CD163L1: variants seen among roughly 807,000 people sequenced by gnomAD.
CD163L1 encodes the protein CD163 molecule like 1.
Under a neutral mutation model 165.4 loss-of-function variants are expected in CD163L1, and 124 were observed. The ratio of observed to expected loss-of-function variants is 0.75; its 90% CI spans 0.65 to 0.87. The LOEUF (loss-of-function observed/expected upper bound fraction) is 0.87, where lower values mean the gene tolerates loss of function less well. Ranked by LOEUF, CD163L1 falls within the 40% of genes least tolerant of loss-of-function variation. The pLI is 0.00. For synonymous variants in CD163L1, 585 were observed against 662.2 expected (o/e 0.88, Z 1.79); for missense variants, 1,525 against 1,799.9 (o/e 0.85, Z 2.76).
At chr12:7,321,038 C>A in the CD163L1 span, among the ~76,000 whole-genome samples, 13 of 152,248 alleles carry the variant, frequency 8.5e-5, no homozygotes, top group Non-Finnish European at 1.3e-4. Context: ...TTGTGAAAAT[C>A]AAAAATGTCC....
intron 4 of CD163L1, among the ~76,000 whole-genome samples, chr12:7,421,630 CATATATGTACACATATACATATATGTACA>C (rs1565810890): frequency 9.9e-6 from 1 of 100,640 alleles, no homozygotes; most frequent in Non-Finnish European, 1.8e-5. Flanking sequence ...TACATATATA[CATATATGTACACATATACATATATGTACA>C]TATATACATA....
At chr12:7,318,911 C>T in the CD163L1 span, among the ~76,000 whole-genome samples, 1 of 152,176 alleles carries the variant, frequency 6.6e-6, no homozygotes, top group Non-Finnish European at 1.5e-5. Flanking sequence ...CAGTCTGCAA[C>T]CTTTTTGGTA....
chr12:7,431,427 CA>C (rs11423206), intron 4 of CD163L1, among the ~76,000 whole-genome samples: 6 of 147,494 alleles, frequency 4.1e-5, no homozygotes, highest in Admixed American at 6.7e-5. Flanking sequence ...AGACTCCATC[CA>C]AAAAAAAAAG....
Position 7,432,559 on chromosome 12 carries a change from A to C in CD163L1, c.623T>G (p.Val208Gly). Reference protein sequence around the residue: ...CPSSFISSGVVNSPAVLRPIW... With the variant: ...CPSSFISSGVGNSPAVLRPIW... ...GGGGCGCAATACAGCAGGGCTATTA[A>C]CAACTCCAGAAGAAATAAAAGAAGA... Residue 208 changes from valine to glycine, a missense_variant, in exon 4 of 20, where the codon GTT becomes GGT. Transcript: ENST00000313599. This position sits in a 1 kb window ranked among gnomAD's most constrained non-coding sequence, Gnocchi z 4.2. The C allele has an allele frequency of 6.2e-7, 1 of 1,614,178 alleles. No individual in the cohort carries two copies. The highest frequency in any genetic ancestry group is 8.5e-7 in the Non-Finnish European group (1 of 1,180,046).
chr12:7,439,361 T>G, intron 2 of CD163L1: 1 of 1,601,130 alleles, frequency 6.2e-7, no homozygotes, highest in Non-Finnish European at 8.5e-7. Context: ...TGGACTCCTT[T>G]AGTTCTTCTT....
At chr12:7,439,738 G>C (rs778364906) in intron 2 of CD163L1, 189 of 1,611,062 alleles carry the variant, frequency 1.2e-4, no homozygotes, top group Non-Finnish European at 1.5e-4. Flanking sequence ...GTCATCCGAT[G>C]TATAGCCTTT....
At chr12:7,406,449 T>A (rs1174747672) in intron 5 of CD163L1, 83 bp downstream of exon 5, 3 of 1,294,524 alleles carry the variant, frequency 2.3e-6, no homozygotes, top group Non-Finnish European at 3.3e-6. Flanking sequence ...ACATCACAAT[T>A]GGTTGTAACT....
At chr12:7,387,039 A>G (rs1388184607) in intron 8 of CD163L1, among the ~76,000 whole-genome samples, 2 of 152,198 alleles carry the variant, frequency 1.3e-5, no homozygotes, top group Non-Finnish European at 2.9e-5. Context: ...CAAATTGTCC[A>G]TCTTTGCAGA....
At chr12:7,325,369 GGGCACGGTGGCTCACGCCTGTAATCCC>G in the CD163L1 span, among the ~76,000 whole-genome samples, 16 of 152,360 alleles carry the variant, frequency 1.1e-4, no homozygotes, top group Middle Eastern at 3.4e-3. Context: ...ATGGTGGGCT[GGGCACGGTGGCTCACGCCTGTAATCCC>G]GGCACTTTGG....
the CD163L1 span, among the ~76,000 whole-genome samples, chr12:7,321,035 A>C: frequency 6.6e-6 from 1 of 152,130 alleles, no homozygotes; most frequent in African/African-American, 2.4e-5. Flanking sequence ...CATTTGTGAA[A>C]ATCAAAAATG....
intron 8 of CD163L1, among the ~76,000 whole-genome samples, chr12:7,386,861 T>C (rs750024127): frequency 1.3e-5 from 2 of 152,004 alleles, no homozygotes; most frequent in Non-Finnish European, 2.9e-5. Flanking sequence ...AGCCTACAAC[T>C]AACAATATAA....
intron 2 of CD163L1, 145 bp from the exon 3 acceptor site, chr12:7,433,839 T>C (rs750673422): frequency 1.6e-6 from 1 of 612,084 alleles, no homozygotes; most frequent in Non-Finnish European, 2.6e-6. Context: ...TGAGAAAATT[T>C]GAAGTGAGAA....
chr12:7,336,852 C>T, the CD163L1 span, among the ~76,000 whole-genome samples: 2 of 151,896 alleles, frequency 1.3e-5, no homozygotes, highest in African/African-American at 2.4e-5. Flanking sequence ...AAAGAGGGCC[C>T]GTATAGCCAA....
chr12:7,331,329 T>A, the CD163L1 span, among the ~76,000 whole-genome samples: 6 of 152,244 alleles, frequency 3.9e-5, no homozygotes, highest in African/African-American at 1.4e-4. Flanking sequence ...CCAGGAAGCC[T>A]GCCTGCCTCT....
the CD163L1 span, among the ~76,000 whole-genome samples, chr12:7,321,451 G>A: frequency 2.0e-5 from 3 of 152,340 alleles, no homozygotes; most frequent in South Asian, 4.1e-4. Flanking sequence ...CCACCAAAGT[G>A]TGGTTGCCCA....
intron 4 of CD163L1, among the ~76,000 whole-genome samples, chr12:7,408,137 T>C (rs1382446852): frequency 6.6e-6 from 1 of 151,920 alleles, no homozygotes; most frequent in Admixed American, 6.6e-5. Context: ...GAATACATTG[T>C]CTGTCTGTCT....
downstream of CD163L1, among the ~76,000 whole-genome samples, chr12:7,342,151 G>A (rs1946641659): frequency 6.6e-6 from 1 of 152,140 alleles, no homozygotes; most frequent in Admixed American, 6.5e-5. Flanking sequence ...CCCCACAACT[G>A]GCCATAAACA....
chr12:7,368,896 G>C lies in CD163L1; in HGVS notation c.4072+37C>G, dbSNP rs1255359792. 1.9e-6 allele frequency: 3 copies of C among 1,609,004 alleles called. No homozygotes were observed. The highest frequency in any genetic ancestry group is 1.7e-5 in the Admixed American group (1 of 59,968). ...TCCCTTGACCTTCCATGTAGCCTTAGGTATTTGTGTCAGCACTGATAGGCA... is the reference window on the plus strand; with the variant it reads ...TCCCTTGACCTTCCATGTAGCCTTACGTATTTGTGTCAGCACTGATAGGCA... On this transcript the variant is annotated intron_variant, in intron 16 of 19. Coordinates refer to ENST00000313599, the MANE Select transcript of CD163L1 (RefSeq NM_174941.6). This position sits in a 1 kb window ranked among gnomAD's most constrained non-coding sequence, Gnocchi z 4.3.
chr12:7,366,883 ATG>A (rs770546280), intron 18 of CD163L1, among the ~76,000 whole-genome samples: 164 of 152,276 alleles, frequency 1.1e-3, no homozygotes, highest in African/African-American at 3.7e-3. Flanking sequence ...TTAAAATAGA[ATG>A]TAATGAAATT....
Sources: allele counts gnomAD v4.1 joint callset (sites outside exome capture counted in the v4.1 genomes callset), GRCh38; gene constraint gnomAD v4.1.1; non-coding constraint Gnocchi (gnomAD v3.1); transcripts MANE v1.5; gene names NCBI Gene and HGNC (gene_info 2026-07-23, HGNC 2026-07-21).